The following CHRNA6 variants were observed in gnomAD, a reference collection of about 807,000 sequenced individuals.
CHRNA6 encodes the protein cholinergic receptor nicotinic alpha 6 subunit.
Under a neutral mutation model 40.9 loss-of-function variants are expected in CHRNA6, and 31 were observed. That is an observed-to-expected ratio of 0.76 (90% confidence interval 0.57 to 1.02). The LOEUF is 1.02. Among genes scored for constraint, CHRNA6 ranks in the 50% least tolerant of loss-of-function variants. The probability of loss-of-function intolerance (pLI) is 0.00; values close to 1 mark genes in which losing one functional copy is unlikely to be tolerated. For missense variants in CHRNA6, 546 were observed against 596.6 expected, an observed-to-expected ratio of 0.92 and a Z score of 0.88; for synonymous variants, 222 against 221.3, an observed-to-expected ratio of 1.00 and a Z score of -0.03.
Position 42,753,095 on chromosome 8 carries a change from A to T in CHRNA6, c.*84T>A, listed in dbSNP as rs1651315520. ...TAGCAGATGGGGGACTTGGGTGGGAAGCCTTTGCTTTCCTTTCCTTGTGGC... is the reference window on the plus strand; with the variant it reads ...TAGCAGATGGGGGACTTGGGTGGGATGCCTTTGCTTTCCTTTCCTTGTGGC... On this transcript the variant is annotated 3_prime_UTR_variant, in exon 6 of 6. Transcript: ENST00000276410. 1.5e-6 allele frequency: 2 copies of T among 1,328,252 alleles called. No homozygotes were observed. The highest frequency in any genetic ancestry group is 3.0e-5 in the African/African-American group (2 of 67,618). 82.3% of individuals were successfully genotyped at this position (1,328,252 alleles called of 1,614,324 possible). A position where few individuals can be genotyped will look rare whatever the true frequency, so the allele number is the denominator to read the frequency against.
intron 2 of CHRNA6, among the ~76,000 whole-genome samples, chr8:42,762,552 G>A (rs1175350735): frequency 6.6e-6 from 1 of 152,208 alleles, no homozygotes; most frequent in African/African-American, 2.4e-5. Flanking sequence ...GGGAGTCTGA[G>A]GGAGTAGAAT....
chr8:42,765,624 A>G (rs1037521000), intron 1 of CHRNA6, among the ~76,000 whole-genome samples: 2 of 151,978 alleles, frequency 1.3e-5, no homozygotes, highest in African/African-American at 4.8e-5. Flanking sequence ...CTTGTCTAAA[A>G]TACTGAATCA....
chr8:42,765,335 C>G, intron 1 of CHRNA6, 131 bp from the exon 2 acceptor site: 1 of 965,296 alleles, frequency 1.0e-6, no homozygotes, highest in Non-Finnish European at 1.6e-6. Context: ...GGTATTGTTA[C>G]CACCTGTGCG....
At chr8:42,762,088 C>T (rs981892225) in intron 2 of CHRNA6, among the ~76,000 whole-genome samples, 1 of 152,156 alleles carries the variant, frequency 6.6e-6, no homozygotes, top group African/African-American at 2.4e-5. Flanking sequence ...CCCTGGTGCT[C>T]CAGAGCCAAG....
chr8:42,764,976 T>C, intron 2 of CHRNA6, 89 bp downstream of exon 2: 1 of 1,408,900 alleles, frequency 7.1e-7, no homozygotes, highest in Non-Finnish European at 9.8e-7. Flanking sequence ...CGTGTAGATT[T>C]GCATCTATCT....
Position 42,762,485 on chromosome 8 carries a change from C to T in CHRNA6, c.219+2580G>A, listed in dbSNP as rs1197366846. On this transcript the variant is annotated intron_variant, in intron 2 of 5. Transcript: ENST00000276410. ...CCAACATGGTGAAACCCCGTCTCTACTAAAAATACAAAAATTAGCCGGGCA... is the reference window on the plus strand; with the variant it reads ...CCAACATGGTGAAACCCCGTCTCTATTAAAAATACAAAAATTAGCCGGGCA... 3.9e-5 allele frequency among the ~76,000 whole-genome samples: 6 copies of T among 152,190 alleles called. No homozygotes were observed. The East Asian group carries it at 9.7e-4, about 25-fold the overall frequency.
chr8:42,757,136 C>A, intron 3 of CHRNA6, 99 bp from the exon 4 acceptor site: 1 of 829,498 alleles, frequency 1.2e-6, no homozygotes. Context: ...GAGGCCGAGG[C>A]AGGCAGGTCA....
intron 2 of CHRNA6, among the ~76,000 whole-genome samples, chr8:42,760,216 CACACACGCACACTCAT>C (rs992996322): frequency 4.6e-5 from 7 of 152,178 alleles, no homozygotes; most frequent in African/African-American, 1.7e-4. Flanking sequence ...CACATATGCA[CACACACGCACACTCAT>C]ACACACGCAC....
chr8:42,754,332 A>T (rs905640194), intron 5 of CHRNA6, among the ~76,000 whole-genome samples: 4 of 152,104 alleles, frequency 2.6e-5, no homozygotes, highest in Middle Eastern at 3.4e-3. Flanking sequence ...GGCTTGGCAA[A>T]TTTTTTTAAA....
chr8:42,754,569 A>C (rs1472842932), intron 5 of CHRNA6, among the ~76,000 whole-genome samples: 1 of 152,172 alleles, frequency 6.6e-6, no homozygotes, highest in Non-Finnish European at 1.5e-5. Context: ...TCTGCATGAC[A>C]GCCATTCACA....
chr8:42,759,319 CA>C, intron 2 of CHRNA6: 1 of 541,958 alleles, frequency 1.8e-6, no homozygotes, highest in Non-Finnish European at 3.3e-6. Context: ...TTTTGAGAGG[CA>C]ATGTGGCTTT....
chr8:42,764,167 C>T lies in CHRNA6; in HGVS notation c.219+898G>A, dbSNP rs149462940. Among the ~76,000 whole-genome samples the T allele has an allele frequency of 4.8e-3, 737 of 152,278 alleles. 2 individuals carry two copies. Among genetic ancestry groups the T allele is most frequent in the African/African-American group, 0.015 (611 of 41,556 alleles). ...GAGTACGGGCCTCGCCACTTCCTCTCCCTGCAATGGGGGGGCGCAAAGATT... is the reference window on the plus strand; with the variant it reads ...GAGTACGGGCCTCGCCACTTCCTCTTCCTGCAATGGGGGGGCGCAAAGATT... On this transcript the variant is annotated intron_variant, in intron 2 of 5. Coordinates refer to ENST00000276410, the MANE Select transcript of CHRNA6 (RefSeq NM_004198.3).
At position 42,756,809 on chromosome 8, in the gene CHRNA6, GA is replaced by G; in HGVS notation, c.389del (p.Phe130SerfsTer3). On this transcript the variant is annotated frameshift_variant, in exon 5 of 6. Transcript: ENST00000276410. LOFTEE classifies it high-confidence loss of function. ...IVLYNNAVGD[F>X]QVEGKTKALL... ...GAGCTTTTGTTTTGCCTTCTACTTGGAAGTCACCAACAGCACTGCAAAGCAA... is the reference window on the plus strand; with the variant it reads ...GAGCTTTTGTTTTGCCTTCTACTTGGAGTCACCAACAGCACTGCAAAGCAA... The G allele has an allele frequency of 6.2e-7, 1 of 1,607,830 alleles. No individual in the cohort carries two copies. Among genetic ancestry groups the G allele is most frequent in the Non-Finnish European group, 8.5e-7 (1 of 1,178,050 alleles).
At position 42,759,106 on chromosome 8, in the gene CHRNA6, A is replaced by C. The variant is rs1393846803; in HGVS notation, c.227T>G (p.Val76Gly). 6.2e-7 allele frequency: 1 copy of C among 1,613,058 alleles called. No individual in the cohort carries two copies. The highest frequency in any genetic ancestry group is 1.7e-5 in the Admixed American group (1 of 60,012). Reference protein sequence around the residue: ...AITQLANVDEVNQIMETNLWL... With the variant: ...AITQLANVDEGNQIMETNLWL... ...CAAATTGGTTTCCATGATCTGGTTT[A>C]CTTCATCCTGGGAAGAAGAAATAAT... Residue 76 changes from valine to glycine, a missense_variant, in exon 3 of 6, where the codon GTA (valine) becomes GGA (glycine). Val to Gly is a moderately radical substitution (Grantham distance 109, BLOSUM62 -3). Coordinates refer to ENST00000276410, the MANE Select transcript of CHRNA6 (RefSeq NM_004198.3).
At chr8:42,758,049 A>C (rs1192243212) in intron 3 of CHRNA6, among the ~76,000 whole-genome samples, 4 of 152,034 alleles carry the variant, frequency 2.6e-5, no homozygotes, top group Non-Finnish European at 4.4e-5. Context: ...AAAACCAAAA[A>C]ACAAAAAAAA....
chr8:42,763,362 T>C (rs1252324028), intron 2 of CHRNA6, among the ~76,000 whole-genome samples: 2 of 152,184 alleles, frequency 1.3e-5, no homozygotes, highest in African/African-American at 4.8e-5. Context: ...TCCTGGACTG[T>C]TAACCTTTAG....
At chr8:42,762,660 AAAAC>A (rs1336358105) in intron 2 of CHRNA6, among the ~76,000 whole-genome samples, 9 of 152,116 alleles carry the variant, frequency 5.9e-5, no homozygotes, top group Admixed American at 2.0e-4. Context: ...AAAGCAAAAC[AAAAC>A]AAACAAACAA....
rs1563628039 is a variant in CHRNA6 at position 42,768,646 on chromosome 8, T to C, written c.-216A>G. 1 of 476,486 alleles carries C rather than the reference T, an allele frequency of 2.1e-6. No individual in the cohort carries two copies. The highest frequency in any genetic ancestry group is 3.8e-6 in the Non-Finnish European group (1 of 264,392). 29.5% of individuals were successfully genotyped at this position (476,486 alleles called of 1,614,324 possible). A position where few individuals can be genotyped will look rare whatever the true frequency, so the allele number is the denominator to read the frequency against. ...TGAAGGGCGAATAAAAAAGATTCGATCTGATGTCAGATGAGTCATCACATT... is the reference window on the plus strand; with the variant it reads ...TGAAGGGCGAATAAAAAAGATTCGACCTGATGTCAGATGAGTCATCACATT... On this transcript the variant is annotated 5_prime_UTR_variant, in exon 1 of 6. Coordinates refer to ENST00000276410, the MANE Select transcript of CHRNA6 (RefSeq NM_004198.3).
At chr8:42,768,051 A>G (rs1239083392) in intron 1 of CHRNA6, among the ~76,000 whole-genome samples, 4 of 152,192 alleles carry the variant, frequency 2.6e-5, no homozygotes, top group Non-Finnish European at 4.4e-5. Flanking sequence ...ACAAATAAAT[A>G]AGCTCAATAC....
Sources: gnomAD v4.1 joint callset for allele counts (sites outside exome capture counted in the v4.1 genomes callset) on GRCh38, gnomAD v4.1.1 for gene constraint, MANE v1.5 for transcripts, NCBI Gene and HGNC (gene_info 2026-07-23, HGNC 2026-07-21) for gene names.